C3orf70: variants seen among roughly 807,000 people sequenced by gnomAD.
C3orf70 encodes chromosome 3 open reading frame 70, also known as UPF0524 protein C3orf70.
In C3orf70, 15 loss-of-function variants were observed where a neutral mutation model predicts 20.7. The ratio of observed to expected loss-of-function variants is 0.72; its 90% CI spans 0.48 to 1.11. The LOEUF (loss-of-function observed/expected upper bound fraction) is 1.11, where lower values mean the gene tolerates loss of function less well. Ranked by LOEUF, C3orf70 falls within the 50% of genes most tolerant of loss-of-function variation. The pLI, the probability that C3orf70 is intolerant of heterozygous loss-of-function variation, is 0.00. For synonymous variants in C3orf70, 161 were observed against 125.7 expected (o/e 1.28, Z -1.88); for missense variants, 332 against 317.6 (o/e 1.05, Z -0.34).
At chr3:185,096,679 A>G (rs554867564) in intron 1 of C3orf70, among the ~76,000 whole-genome samples, 1 of 152,320 alleles carries the variant, frequency 6.6e-6, no homozygotes, top group South Asian at 2.1e-4. Context: ...GGTCTGCTCC[A>G]GCCATGCACC....
chr3:185,134,116 C>CATATATATACAT (rs1716575409), intron 1 of C3orf70, among the ~76,000 whole-genome samples: 2 of 134,670 alleles, frequency 1.5e-5, no homozygotes, highest in African/African-American at 5.4e-5. Flanking sequence ...AAAAATACAT[C>CATATATATACAT]ATATATATAT....
intron 1 of C3orf70, among the ~76,000 whole-genome samples, chr3:185,145,242 A>T (rs1027906565): frequency 3.9e-5 from 6 of 152,218 alleles, no homozygotes; most frequent in African/African-American, 1.4e-4. Context: ...GGATTTTGTA[A>T]TGTGGGAAAT....
chr3:185,145,913 A>G (rs1716864195), intron 1 of C3orf70, among the ~76,000 whole-genome samples: 1 of 152,258 alleles, frequency 6.6e-6, no homozygotes, highest in Non-Finnish European at 1.5e-5. Context: ...CCAGCTACAC[A>G]GAAAGACACC....
chr3:185,127,114 G>C (rs1209223530), intron 1 of C3orf70, among the ~76,000 whole-genome samples: 1 of 152,106 alleles, frequency 6.6e-6, no homozygotes, highest in Non-Finnish European at 1.5e-5. Flanking sequence ...TCCTGTAAGA[G>C]GTCCCTTTTA....
chr3:185,131,109 C>T (rs1285715726), intron 1 of C3orf70, among the ~76,000 whole-genome samples: 1 of 152,222 alleles, frequency 6.6e-6, no homozygotes, highest in Admixed American at 6.5e-5. Context: ...TGTCCACATC[C>T]TCACCAACAC....
intron 1 of C3orf70, among the ~76,000 whole-genome samples, chr3:185,122,289 G>A (rs535981099): frequency 1.3e-5 from 2 of 152,228 alleles, no homozygotes; most frequent in African/African-American, 4.8e-5. Flanking sequence ...GCCTAAATAT[G>A]TATAAACCTA....
chr3:185,109,441 C>T (rs1190531969), intron 1 of C3orf70, among the ~76,000 whole-genome samples: 2 of 152,142 alleles, frequency 1.3e-5, no homozygotes, highest in Admixed American at 1.3e-4. Flanking sequence ...CTGGGAGGAT[C>T]CCAAGGACCC....
chr3:185,098,666 T>C (rs1021355462), intron 1 of C3orf70, among the ~76,000 whole-genome samples: 3 of 152,212 alleles, frequency 2.0e-5, no homozygotes, highest in South Asian at 4.1e-4. Context: ...TGAGAACTAA[T>C]TTCAAAACTA....
At chr3:185,116,971 T>A (rs1159974377) in intron 1 of C3orf70, among the ~76,000 whole-genome samples, 2 of 151,926 alleles carry the variant, frequency 1.3e-5, no homozygotes, top group Non-Finnish European at 2.9e-5. Context: ...TAAGTAGAGA[T>A]GGGGTTTCAC....
At chr3:185,131,421 C>T (rs536004856) in intron 1 of C3orf70, among the ~76,000 whole-genome samples, 11 of 152,208 alleles carry the variant, frequency 7.2e-5, no homozygotes, top group Admixed American at 3.9e-4. Context: ...GTCTGATATC[C>T]GGTTAAACAG....
At chr3:185,096,602 G>A (rs982494760) in intron 1 of C3orf70, among the ~76,000 whole-genome samples, 7 of 152,156 alleles carry the variant, frequency 4.6e-5, no homozygotes, top group East Asian at 1.9e-4. Flanking sequence ...TGGAGGGTGC[G>A]GAGGACTCTG....
chr3:185,113,252 AAC>A (rs1220201897), intron 1 of C3orf70, among the ~76,000 whole-genome samples: 10 of 148,464 alleles, frequency 6.7e-5, no homozygotes, highest in African/African-American at 2.5e-4. Context: ...AGACCTGGCT[AAC>A]ACAGTGAAAC....
chr3:185,104,378 A>G (rs1198588487), intron 1 of C3orf70, among the ~76,000 whole-genome samples: 1 of 152,210 alleles, frequency 6.6e-6, no homozygotes, highest in Non-Finnish European at 1.5e-5. Flanking sequence ...TGTTGGTGGG[A>G]GTGTAAATTA....
intron 1 of C3orf70, among the ~76,000 whole-genome samples, chr3:185,087,218 T>C (rs1349356672): frequency 6.6e-6 from 1 of 152,226 alleles, no homozygotes; most frequent in Non-Finnish European, 1.5e-5. Flanking sequence ...GGATGAGAAC[T>C]TTTAAAACCT....
chr3:185,086,421 G>A (rs1011006076), intron 1 of C3orf70, among the ~76,000 whole-genome samples: 6 of 152,164 alleles, frequency 3.9e-5, no homozygotes, highest in African/African-American at 1.4e-4. Context: ...AGGTTTAGAT[G>A]AGGTTTAGAA....
chr3:185,108,407 T>G (rs1715991844), intron 1 of C3orf70, among the ~76,000 whole-genome samples: 2 of 152,232 alleles, frequency 1.3e-5, no homozygotes, highest in Admixed American at 1.3e-4. Flanking sequence ...TCATGCCACA[T>G]AGTTAATTGA....
intron 1 of C3orf70, among the ~76,000 whole-genome samples, chr3:185,144,895 T>A (rs1346706938): frequency 2.0e-5 from 3 of 152,210 alleles, no homozygotes; most frequent in African/African-American, 7.2e-5. Context: ...GCACCCACCA[T>A]GGCGCTTGGA....
intron 1 of C3orf70, among the ~76,000 whole-genome samples, chr3:185,118,149 G>A (rs569351307): frequency 6.6e-6 from 1 of 152,192 alleles, no homozygotes; most frequent in East Asian, 1.9e-4. Context: ...TATATGTCTG[G>A]CATATAATAG....
intron 1 of C3orf70, among the ~76,000 whole-genome samples, chr3:185,087,419 C>A (rs546997986): frequency 3.4e-4 from 51 of 152,116 alleles, no homozygotes; most frequent in Non-Finnish European, 1.9e-4. Context: ...GGAAGCAACA[C>A]AAGTGTCCAT....
Sources: gnomAD v4.1 joint callset for allele counts (sites outside exome capture counted in the v4.1 genomes callset) on GRCh38, gnomAD v4.1.1 for gene constraint, MANE v1.5 for transcripts, NCBI Gene and HGNC (gene_info 2026-07-23, HGNC 2026-07-21) for gene names.